The following ANO4 variants were observed in gnomAD, a reference collection of about 807,000 sequenced individuals.
ANO4 encodes anoctamin-4.
A neutral mutation model predicts 141.9 loss-of-function variants in ANO4; 69 were observed. The observed-to-expected ratio is 0.49, with a 90% CI of 0.40 to 0.59. ANO4 has a LOEUF of 0.59. Ranked by LOEUF, ANO4 falls within the 20% of genes least tolerant of loss-of-function variation. The probability of loss-of-function intolerance (pLI) is 0.00; values close to 1 mark genes in which losing one functional copy is unlikely to be tolerated. For synonymous variants in ANO4, 350 were observed against 394.3 expected (o/e 0.89, Z 1.33); for missense variants, 894 against 1,162.2 (o/e 0.77, Z 3.36).
Position 101,059,286 on chromosome 12 carries a change from G to A in ANO4, c.1312+10885G>A, listed in dbSNP as rs554460077. Among the ~76,000 whole-genome samples, 8 of 152,234 alleles carry A rather than the reference G, an allele frequency of 5.3e-5. No homozygotes were observed. In the South Asian group the frequency reaches 6.2e-4, roughly 12 times the overall value. On this transcript the variant is annotated intron_variant, in intron 14 of 27. Transcript: ENST00000392977. ...TTCCAGTATTTCATTGAGGATTTTC[G>A]CATAGATGTTCATCAGTGATATTGG...
rs560515195 is a variant in ANO4, at chr12:100,978,605, T to C, written c.602+3716T>C. 8.5e-5 allele frequency among the ~76,000 whole-genome samples: 13 copies of C among 152,344 alleles called. No homozygotes were observed. In the South Asian group the frequency reaches 2.5e-3, roughly 29 times the overall value. Reference sequence around the variant, plus strand: ...GCTATAATCTCTATCTCTTTAGTTTTCACTCTTTGATTGGAGTTCTGCCCC... The same window carrying C: ...GCTATAATCTCTATCTCTTTAGTTTCCACTCTTTGATTGGAGTTCTGCCCC... On this transcript the variant is annotated intron_variant, in intron 7 of 27. Coordinates refer to ENST00000392977, the MANE Select transcript of ANO4 (RefSeq NM_001286615.2).
chr12:100,778,312 G>A (rs1194122630), intron 3 of ANO4, among the ~76,000 whole-genome samples: 2 of 152,160 alleles, frequency 1.3e-5, no homozygotes, highest in African/African-American at 4.8e-5. Context: ...ACAAGTGGGG[G>A]TGAATGTATG....
chr12:101,097,943 C>T lies in ANO4; in HGVS notation c.2004C>T (p.Tyr668=). ...QTWNNFMELG[Y]PLIQNWWTRR... is the part of the protein sequence containing the mutation. ...GGAATAATTTCATGGAACTTGGCTA[C>T]CCGTAAGTACCTTAGTATCAATAAT... The change falls in exon 21 of 28, where the codon TAC becomes TAT. Residue 668 remains tyrosine (Y), a splice_region_variant and synonymous_variant. Transcript: ENST00000392977. The T allele has an allele frequency of 6.2e-7, 1 of 1,611,730 alleles. No homozygotes were observed. Among genetic ancestry groups the T allele is most frequent in the Admixed American group, 1.7e-5 (1 of 59,986 alleles).
chr12:100,873,397 AATGAGGTCCAGGCTGG>A (rs2039130758), intron 1 of ANO4, among the ~76,000 whole-genome samples: 1 of 152,204 alleles, frequency 6.6e-6, no homozygotes, highest in Non-Finnish European at 1.5e-5. Flanking sequence ...CAATATGGTC[AATGAGGTCCAGGCTGG>A]GGAGGTCTCA....
In ANO4 at chr12:101,043,583, G is replaced by A. The variant is rs779078684; in HGVS notation, c.1199G>A (p.Cys400Tyr). The A allele has an allele frequency of 3.1e-6, 5 of 1,613,694 alleles. No individual in the cohort carries two copies. Among genetic ancestry groups the A allele is most frequent in the Non-Finnish European group, 4.2e-6 (5 of 1,179,864 alleles). The change falls in exon 13 of 28, where the codon TGT becomes TAT. Residue 400 changes from cysteine to tyrosine, a missense_variant. By Grantham distance (194) the Cys-to-Tyr change is radical. Transcript: ENST00000392977. ...ACAGATATCATCATGTGTCCTGTGT[G>A]TGATAAATACTGTCCATTCATGAGG... ...QATDIIMCPVCDKYCPFMRLS... is the reference protein window; with the variant it reads ...QATDIIMCPVYDKYCPFMRLS...
intron 14 of ANO4, among the ~76,000 whole-genome samples, chr12:101,054,401 TG>T (rs2048011455): frequency 6.6e-6 from 1 of 152,252 alleles, no homozygotes; most frequent in Non-Finnish European, 1.5e-5. Flanking sequence ...GTATAATTTA[TG>T]TGCAATAAAA....
At chr12:100,793,134 T>C (rs2034115900), upstream of ANO4, among the ~76,000 whole-genome samples, 1 of 152,212 alleles carries the variant, frequency 6.6e-6, no homozygotes, top group Non-Finnish European at 1.5e-5. Flanking sequence ...CATGAGACTG[T>C]AAACTTCTTG....
Position 100,767,678 on chromosome 12 carries a change from T to G in ANO4, c.358+27573T>G, listed in dbSNP as rs577165319. 1.6e-4 allele frequency among the ~76,000 whole-genome samples: 24 copies of G among 152,334 alleles called. No individual in the cohort carries two copies. In the South Asian group the frequency reaches 5.0e-3, roughly 32 times the overall value. ...TCATACATTCAGAATGGCATGCAAT[T>G]TAAAACCTATGAATTGTTTATTTCT... On this transcript the variant is annotated intron_variant, in intron 3 of 29. Coordinates refer to the ANO4 transcript ENST00000644049.
In ANO4 at chr12:101,062,924, C is replaced by A. The variant is rs111977512; in HGVS notation, c.1312+14523C>A. Among the ~76,000 whole-genome samples the A allele has an allele frequency of 4.8e-3, 735 of 152,334 alleles. 8 individuals are homozygous for A. The highest frequency in any genetic ancestry group is 0.017 in the African/African-American group (709 of 41,582). ...TGTCTTGCTGGCATTCCAGGCACCA[C>A]TGGGGTATGAAAAATAATTCCTACA... On this transcript the variant is annotated intron_variant, in intron 14 of 27. Coordinates refer to ENST00000392977, the MANE Select transcript of ANO4 (RefSeq NM_001286615.2).
At chr12:100,899,817 T>C (rs1415269514) in intron 1 of ANO4, among the ~76,000 whole-genome samples, 1 of 152,176 alleles carries the variant, frequency 6.6e-6, no homozygotes, top group African/African-American at 2.4e-5. Context: ...TTACATTCCA[T>C]TTTTTTAATG....
intron 27 of ANO4, 29 bp downstream of exon 27, chr12:101,127,103 G>A (rs184826245): frequency 1.3e-5 from 21 of 1,588,422 alleles, no homozygotes; most frequent in East Asian, 6.8e-5. Flanking sequence ...CAGCGTCTGA[G>A]GCCATTCCGA....
intron 15 of ANO4, among the ~76,000 whole-genome samples, chr12:101,080,883 T>TATTATATATATATATATA (rs1491584060): frequency 2.7e-5 from 2 of 74,100 alleles, no homozygotes; most frequent in South Asian, 6.4e-4. Flanking sequence ...TATATATATA[T>TATTATATATATATATATA]TATATATATA....
At chr12:101,016,613 G>T (rs185097321) in intron 8 of ANO4, among the ~76,000 whole-genome samples, 1 of 152,188 alleles carries the variant, frequency 6.6e-6, no homozygotes, top group Non-Finnish European at 1.5e-5. Flanking sequence ...CCAACTTTAA[G>T]TGTTTATCAT....
chr12:101,009,039 C>T (rs563137815), intron 8 of ANO4, among the ~76,000 whole-genome samples: 14 of 152,032 alleles, frequency 9.2e-5, no homozygotes, highest in East Asian at 3.9e-4. Context: ...ATTATTTTTG[C>T]GATCATGCAT....
At chr12:100,955,124 G>GGA (rs2043128943) in intron 5 of ANO4, among the ~76,000 whole-genome samples, 1 of 152,190 alleles carries the variant, frequency 6.6e-6, no homozygotes, top group Non-Finnish European at 1.5e-5. Context: ...GCCAGGCACT[G>GGA]GAGAATAAAA....
At chr12:100,989,121 T>G (rs2044918248) in intron 8 of ANO4, among the ~76,000 whole-genome samples, 1 of 152,162 alleles carries the variant, frequency 6.6e-6, no homozygotes, top group African/African-American at 2.4e-5. Flanking sequence ...ATAGCCGAGC[T>G]GATCCCCACA....
chr12:100,788,201 G>A (rs1463525135), intron 3 of ANO4, among the ~76,000 whole-genome samples: 1 of 152,054 alleles, frequency 6.6e-6, no homozygotes, highest in Non-Finnish European at 1.5e-5. Context: ...TAGATTTCTG[G>A]GCTCCCTGAA....
intron 26 of ANO4, among the ~76,000 whole-genome samples, chr12:101,120,837 A>G (rs1398744558): frequency 2.0e-5 from 3 of 152,292 alleles, no homozygotes; most frequent in South Asian, 2.1e-4. Context: ...TTGGTTTTTA[A>G]TGGACAAATC....
At chr12:101,034,606 A>C (rs2047118965) in intron 9 of ANO4, among the ~76,000 whole-genome samples, 1 of 388 alleles carries the variant, frequency 2.6e-3, no homozygotes, top group Admixed American at 0.016. Context: ...CCCAAAACTT[A>C]AATACATAAA....
Sources: allele counts gnomAD v4.1 joint callset (sites outside exome capture counted in the v4.1 genomes callset), GRCh38; gene constraint gnomAD v4.1.1; transcripts MANE v1.5; gene names NCBI Gene and HGNC (gene_info 2026-07-23, HGNC 2026-07-21).